The following MEGF11 variants were observed in gnomAD, a reference collection of about 807,000 sequenced individuals.
MEGF11 encodes the protein multiple EGF like domains 11.
A neutral mutation model predicts 146.6 loss-of-function variants in MEGF11; 126 were observed. The observed-to-expected ratio is 0.86, with a 90% CI of 0.74 to 1.00. The LOEUF (loss-of-function observed/expected upper bound fraction) is 1.00, where lower values mean the gene tolerates loss of function less well. Among genes scored for constraint, MEGF11 ranks in the 50% least tolerant of loss-of-function variants. MEGF11 has a pLI of 0.00. For synonymous variants in MEGF11, 532 were observed against 583.4 expected, an observed-to-expected ratio of 0.91 and a Z score of 1.27; for missense variants, 1,509 against 1,521.2, an observed-to-expected ratio of 0.99 and a Z score of 0.13.
At chr15:66,048,010 A>C (rs2084286568) in intron 5 of MEGF11, among the ~76,000 whole-genome samples, 1 of 149,878 alleles carries the variant, frequency 6.7e-6, no homozygotes, top group Non-Finnish European at 1.5e-5. Context: ...CAATGGTGTG[A>C]TCTCAGCTCA....
chr15:66,134,964 G>T (rs1156710771), intron 1 of MEGF11, among the ~76,000 whole-genome samples: 2 of 152,250 alleles, frequency 1.3e-5, no homozygotes, highest in African/African-American at 4.8e-5. Flanking sequence ...GGGAATGGTG[G>T]AGTCCACCTG....
intron 13 of MEGF11, 116 bp downstream of exon 13, chr15:65,928,309 A>G (rs2079446382): frequency 1.7e-6 from 1 of 590,532 alleles, no homozygotes; most frequent in Admixed American, 3.4e-5. Flanking sequence ...AAAGGGAAAG[A>G]TGCATACTCA....
In MEGF11 at chr15:65,909,784, C is replaced by G. The variant is rs2078740353; in HGVS notation, c.2852G>C (p.Arg951Thr). 7 of 1,583,984 alleles carry G rather than the reference C, an allele frequency of 4.4e-6. No individual in the cohort carries two copies. The East Asian group carries it at 1.4e-4, about 31-fold the overall frequency. Residue 951 changes from arginine (R) to threonine (T), a missense_variant, in exon 22 of 26, where the codon AGA (arginine) becomes ACA (threonine). Physicochemically the swap from Arg to Thr is moderately conservative, Grantham distance 71 (BLOSUM62 -1). Coordinates refer to ENST00000395614, the MANE Select transcript of MEGF11 (RefSeq NM_001385028.1). ...PTKLSNKSLD[R>T]DTAGWTPYSY... ...GTAGGGGGTCCAGCCTGCTGTGTCTCTGTCAAGGGACTTGTTACTGAGCTG... is the reference window on the plus strand; with the variant it reads ...GTAGGGGGTCCAGCCTGCTGTGTCTGTGTCAAGGGACTTGTTACTGAGCTG...
chr15:66,139,661 C>A (rs910357815), intron 1 of MEGF11, among the ~76,000 whole-genome samples: 2 of 151,072 alleles, frequency 1.3e-5, no homozygotes, highest in African/African-American at 2.4e-5. Flanking sequence ...GCCGAGGTAA[C>A]GATCTATTTC....
intron 1 of MEGF11, among the ~76,000 whole-genome samples, chr15:66,131,224 G>A (rs779385847): frequency 3.3e-5 from 5 of 152,240 alleles, no homozygotes; most frequent in Admixed American, 1.3e-4. Flanking sequence ...CCCAGGAGGC[G>A]TACCTCTCAC....
chr15:65,990,672 GGGAAGAAA>G (rs994944539), intron 5 of MEGF11, among the ~76,000 whole-genome samples: 21 of 148,528 alleles, frequency 1.4e-4, no homozygotes, highest in Non-Finnish European at 1.8e-4. Flanking sequence ...AGGGAAGAAA[GGGAAGAAA>G]GGAAGAAAGG....
In MEGF11 at chr15:66,084,850, G is replaced by A. The variant is rs113369615; in HGVS notation, c.394+9552C>T. ...TGCTGTGGAGACCTCACAAGCAAGG[G>A]AAGAACTAAAGCCCATTTCTTTTGC... On this transcript the variant is annotated intron_variant, in intron 5 of 25. Coordinates refer to ENST00000395614, the MANE Select transcript of MEGF11 (RefSeq NM_001385028.1). 8.5e-3 allele frequency among the ~76,000 whole-genome samples: 1,295 copies of A among 152,314 alleles called. 8 individuals are homozygous for A. The highest frequency in any genetic ancestry group is 0.034 in the Middle Eastern group (10 of 294).
At chr15:66,171,241 G>C (rs2090246314) in intron 1 of MEGF11, among the ~76,000 whole-genome samples, 1 of 152,216 alleles carries the variant, frequency 6.6e-6, no homozygotes, top group African/African-American at 2.4e-5. Flanking sequence ...GTTTCTGCCA[G>C]ACCTGCAGGC....
chr15:65,957,642 A>G lies in MEGF11; in HGVS notation c.1192T>C (p.Tyr398His). Reference protein sequence around the residue: ...HHCNESCPVGYYGDGCQLPCT... With the variant: ...HHCNESCPVGHYGDGCQLPCT... ...GGCAGCTGGCAGCCATCGCCATAGT[A>G]GCCAACAGGGCAGGATTCATTGCAG... The change falls in exon 10 of 26, where the codon TAC (tyrosine) becomes CAC (histidine). Residue 398 changes from tyrosine to histidine, a missense_variant. Tyr to His is a moderately conservative substitution (Grantham distance 83). Coordinates refer to ENST00000395614, the MANE Select transcript of MEGF11 (RefSeq NM_001385028.1). The G allele has an allele frequency of 6.2e-7, 1 of 1,613,966 alleles. No homozygotes were observed. Among genetic ancestry groups the G allele is most frequent in the Non-Finnish European group, 8.5e-7 (1 of 1,179,888 alleles).
chr15:66,177,993 T>C (rs1195592773), intron 1 of MEGF11, among the ~76,000 whole-genome samples: 1 of 151,398 alleles, frequency 6.6e-6, no homozygotes, highest in Non-Finnish European at 1.5e-5. Context: ...CCCTTCTTTT[T>C]CACTGATTGA....
intron 1 of MEGF11, among the ~76,000 whole-genome samples, chr15:66,132,726 CCGTG>C: frequency 6.6e-6 from 1 of 152,142 alleles, no homozygotes. Context: ...GTGCCATGTA[CCGTG>C]CCTATATTGC....
At chr15:66,170,469 T>A (rs1448194537) in intron 1 of MEGF11, among the ~76,000 whole-genome samples, 1 of 152,202 alleles carries the variant, frequency 6.6e-6, no homozygotes, top group Non-Finnish European at 1.5e-5. Flanking sequence ...CTGAGCTGAA[T>A]CCACTCAGTA....
chr15:65,916,457 G>T, intron 17 of MEGF11, 181 bp from the exon 18 acceptor site: 1 of 807,288 alleles, frequency 1.2e-6, no homozygotes, highest in Non-Finnish European at 1.9e-6. Context: ...GGGGCAAGGT[G>T]ATCGTTGCCT....
intron 1 of MEGF11, among the ~76,000 whole-genome samples, chr15:66,216,247 A>C (rs2091579887): frequency 6.6e-6 from 1 of 152,206 alleles, no homozygotes; most frequent in African/African-American, 2.4e-5. Flanking sequence ...GAAGGATTCC[A>C]GATCCTTCTT....
chr15:65,966,747 A>C (rs145331885), intron 8 of MEGF11, among the ~76,000 whole-genome samples: 96 of 152,162 alleles, frequency 6.3e-4, no homozygotes, highest in African/African-American at 2.2e-3. Flanking sequence ...CAACATAAGG[A>C]TAATTATTCA....
chr15:66,017,038 T>G (rs2082912535), intron 5 of MEGF11, among the ~76,000 whole-genome samples: 1 of 152,188 alleles, frequency 6.6e-6, no homozygotes, highest in African/African-American at 2.4e-5. Context: ...GGGGTTATTT[T>G]TTGTTCCTGT....
At position 66,209,517 on chromosome 15, in the gene MEGF11, C is replaced by T. The variant is rs932659735; in HGVS notation, c.-9+44088G>A. Among the ~76,000 whole-genome samples, 7 of 152,100 alleles carry T rather than the reference C, an allele frequency of 4.6e-5. No individual in the cohort carries two copies. The East Asian group carries it at 1.4e-3, about 29-fold the overall frequency. ...CAAAAACTAGAAATAACCTGGATGCCCTTCAAAGAGTGAATAGTTAAACAA... is the reference window on the plus strand; with the variant it reads ...CAAAAACTAGAAATAACCTGGATGCTCTTCAAAGAGTGAATAGTTAAACAA... On this transcript the variant is annotated intron_variant, in intron 1 of 25. Coordinates refer to ENST00000395614, the MANE Select transcript of MEGF11 (RefSeq NM_001385028.1).
At chr15:66,055,498 G>A (rs934768773) in intron 5 of MEGF11, among the ~76,000 whole-genome samples, 8 of 152,238 alleles carry the variant, frequency 5.3e-5, no homozygotes, top group Non-Finnish European at 7.3e-5. Flanking sequence ...GTTCGGTAGC[G>A]TGTGTTTGTG....
chr15:66,084,003 A>T (rs2085999590), intron 5 of MEGF11, among the ~76,000 whole-genome samples: 1 of 152,230 alleles, frequency 6.6e-6, no homozygotes, highest in South Asian at 2.1e-4. Flanking sequence ...TGCAAATCAC[A>T]TATGGTCATG....
Sources: allele counts gnomAD v4.1 joint callset (sites outside exome capture counted in the v4.1 genomes callset), GRCh38; gene constraint gnomAD v4.1.1; transcripts MANE v1.5; gene names NCBI Gene and HGNC (gene_info 2026-07-23, HGNC 2026-07-21).